Variants in TMEM117 observed in about 807,000 individuals in gnomAD.
TMEM117 encodes transmembrane protein 117.
TMEM117 carries 27 observed loss-of-function variants against 52.4 expected under a neutral mutation model. The ratio of observed to expected loss-of-function variants is 0.51; its 90% CI spans 0.38 to 0.71. TMEM117 has a LOEUF of 0.71. Among genes scored for constraint, TMEM117 ranks in the 30% least tolerant of loss-of-function variants. The pLI is 0.00. For missense variants in TMEM117, 556 were observed against 630.5 expected, an observed-to-expected ratio of 0.88 and a Z score of 1.26; for synonymous variants, 215 against 206.3, an observed-to-expected ratio of 1.04 and a Z score of -0.36.
the TMEM117 span, chr12:43,798,697 C>T: frequency 1.0e-5 from 12 of 1,166,812 alleles, no homozygotes; most frequent in South Asian, 1.6e-5. Flanking sequence ...TCCTTGCTAC[C>T]AGTTTAATAT....
At chr12:44,147,922 A>G (rs1948667511) in intron 4 of TMEM117, among the ~76,000 whole-genome samples, 1 of 147,750 alleles carries the variant, frequency 6.8e-6, no homozygotes, top group African/African-American at 2.5e-5. Flanking sequence ...ATAGAGCGAG[A>G]CTCTGTCTCA....
At chr12:43,896,061 T>C (rs1944195811) in intron 2 of TMEM117, among the ~76,000 whole-genome samples, 1 of 152,122 alleles carries the variant, frequency 6.6e-6, no homozygotes, top group South Asian at 2.1e-4. Flanking sequence ...CAAATGTCAG[T>C]CTCCTTTGGC....
chr12:43,917,336 G>A (rs538522653), intron 2 of TMEM117, among the ~76,000 whole-genome samples: 1 of 151,916 alleles, frequency 6.6e-6, no homozygotes, highest in Non-Finnish European at 1.5e-5. Flanking sequence ...AGTAGTTTGA[G>A]GCTGCAAGAT....
intron 2 of TMEM117, among the ~76,000 whole-genome samples, chr12:43,869,671 T>C (rs1485507335): frequency 6.6e-6 from 1 of 152,258 alleles, no homozygotes; most frequent in African/African-American, 2.4e-5. Flanking sequence ...AATGCTTTCT[T>C]TTTCCTGTTC....
chr12:43,798,547 A>T, the TMEM117 span: 20 of 1,521,430 alleles, frequency 1.3e-5, no homozygotes, highest in Non-Finnish European at 1.8e-5. Context: ...ACATCATAGA[A>T]CATATGCGAA....
At chr12:43,926,088 A>G (rs1944774298) in intron 2 of TMEM117, among the ~76,000 whole-genome samples, 1 of 152,210 alleles carries the variant, frequency 6.6e-6, no homozygotes, top group South Asian at 2.1e-4. Context: ...AAAATTCAGT[A>G]TATATCTAAA....
chr12:44,143,809 A>G lies in TMEM117; in HGVS notation c.510+185A>G, dbSNP rs373568176. ...TCTGTGGACCTCAGAAAAAAAATCA[A>G]TGCAATTAGAATACAAGTAATGGCA... On this transcript the variant is annotated intron_variant, in intron 4 of 7. Coordinates refer to ENST00000266534, the MANE Select transcript of TMEM117 (RefSeq NM_032256.3). Among the ~76,000 whole-genome samples, 57 of 152,312 alleles carry G rather than the reference A, an allele frequency of 3.7e-4. No homozygotes were observed. The East Asian group carries it at 6.2e-3, about 16-fold the overall frequency.
intron 3 of TMEM117, among the ~76,000 whole-genome samples, chr12:44,094,745 A>C (rs1947729137): frequency 6.6e-6 from 1 of 152,054 alleles, no homozygotes; most frequent in African/African-American, 2.4e-5. Flanking sequence ...ACTCACTATT[A>C]ATTAATGAAT....
At chr12:43,847,344 T>C (rs1174923186) in intron 2 of TMEM117, among the ~76,000 whole-genome samples, 1 of 152,050 alleles carries the variant, frequency 6.6e-6, no homozygotes, top group Non-Finnish European at 1.5e-5. Flanking sequence ...ATTTTTGAGG[T>C]ATAGAAACAG....
At chr12:44,163,716 G>T (rs1948927280) in intron 4 of TMEM117, among the ~76,000 whole-genome samples, 1 of 152,168 alleles carries the variant, frequency 6.6e-6, no homozygotes, top group Admixed American at 6.6e-5. Context: ...TCACCAAAAT[G>T]TACTAATTTT....
chr12:44,199,058 T>C (rs1643429), intron 4 of TMEM117, among the ~76,000 whole-genome samples: 44,077 of 152,048 alleles, frequency 0.29, 12,135 homozygotes, highest in African/African-American at 0.73. Flanking sequence ...ACCTCACCTC[T>C]TCTCCAATTT....
chr12:43,900,383 T>C (rs935184326), intron 2 of TMEM117, among the ~76,000 whole-genome samples: 2 of 152,136 alleles, frequency 1.3e-5, no homozygotes, highest in Non-Finnish European at 2.9e-5. Context: ...TCAATTAGAT[T>C]TTTCTTTATT....
At chr12:43,888,543 CTT>C (rs147186370) in intron 2 of TMEM117, among the ~76,000 whole-genome samples, 5 of 92,164 alleles carry the variant, frequency 5.4e-5, no homozygotes, top group Admixed American at 1.2e-4. Context: ...CATTAGTTTT[CTT>C]TTTTTTTTTT....
At chr12:43,999,936 T>A (rs1296877443) in intron 3 of TMEM117, among the ~76,000 whole-genome samples, 1 of 152,268 alleles carries the variant, frequency 6.6e-6, no homozygotes, top group African/African-American at 2.4e-5. Context: ...AATTTTCTTA[T>A]AATAAGGTCA....
intron 2 of TMEM117, among the ~76,000 whole-genome samples, chr12:43,933,114 A>T (rs1163768693): frequency 1.3e-5 from 2 of 152,180 alleles, no homozygotes; most frequent in African/African-American, 4.8e-5. Context: ...AGGAAAACCT[A>T]TTTAAAATCG....
chr12:43,929,330 A>G (rs1944834824), intron 2 of TMEM117, among the ~76,000 whole-genome samples: 1 of 152,158 alleles, frequency 6.6e-6, no homozygotes, highest in Non-Finnish European at 1.5e-5. Context: ...ATACTACCTT[A>G]TTAATTACAC....
In TMEM117 at chr12:44,022,038, C is replaced by G. The variant is rs144643479; in HGVS notation, c.410+77696C>G. On this transcript the variant is annotated intron_variant, in intron 3 of 7. Coordinates refer to ENST00000266534, the MANE Select transcript of TMEM117 (RefSeq NM_032256.3). ...CCAGGTAGGTTTGTTTCTGCCTTGG[C>G]ATGAAGAAAATAAATCTACATGAAG... Among the ~76,000 whole-genome samples, 115 of 152,212 alleles carry G rather than the reference C, an allele frequency of 7.6e-4. 1 individual carries two copies. Among genetic ancestry groups the G allele is most frequent in the African/African-American group, 2.7e-3 (112 of 41,530 alleles).
At chr12:44,090,249 T>A (rs1442647978) in intron 3 of TMEM117, among the ~76,000 whole-genome samples, 3 of 152,056 alleles carry the variant, frequency 2.0e-5, no homozygotes, top group African/African-American at 7.2e-5. Context: ...GATGCTGAGG[T>A]TTGGGCTTCT....
chr12:44,150,634 GT>G (rs1464316933), intron 4 of TMEM117, among the ~76,000 whole-genome samples: 1 of 152,146 alleles, frequency 6.6e-6, no homozygotes, highest in Non-Finnish European at 1.5e-5. Flanking sequence ...GGAAGTAAAT[GT>G]GGTCATTTTG....
Sources: allele counts gnomAD v4.1 joint callset (sites outside exome capture counted in the v4.1 genomes callset), GRCh38; gene constraint gnomAD v4.1.1; transcripts MANE v1.5; gene names NCBI Gene and HGNC (gene_info 2026-07-23, HGNC 2026-07-21).